Variants in NRK observed in about 807,000 individuals in gnomAD.
NRK encodes nik-related protein kinase.
NRK carries 67 observed loss-of-function variants against 125.2 expected under a neutral mutation model. The observed-to-expected ratio is 0.54, with a 90% CI of 0.44 to 0.66. The LOEUF (loss-of-function observed/expected upper bound fraction) is 0.66. Ranked by LOEUF, NRK falls within the 30% of genes least tolerant of loss-of-function variation. The probability of loss-of-function intolerance (pLI) is 0.00; values close to 1 mark genes in which losing one functional copy is unlikely to be tolerated. For missense variants in NRK, 1,224 were observed against 1,192.9 expected (o/e 1.03, Z -0.38); for synonymous variants, 458 against 429.0 (o/e 1.07, Z -0.84).
intron 2 of NRK, among the ~76,000 whole-genome samples, chrX:105,837,017 C>A (rs377284512): frequency 9.0e-6 from 1 of 111,625 alleles, no homozygotes; most frequent in African/African-American, 3.2e-5. Flanking sequence ...TACTTTTTAA[C>A]CAGCTAATAT....
chrX:105,875,408 A>G (rs1158882318), intron 2 of NRK, among the ~76,000 whole-genome samples: 1 of 111,074 alleles, frequency 9.0e-6, no homozygotes, highest in East Asian at 2.9e-4. Flanking sequence ...TCATTCCATC[A>G]GTACTTAACT....
intron 19 of NRK, among the ~76,000 whole-genome samples, chrX:105,925,755 A>G (rs2040516032): frequency 9.0e-6 from 1 of 111,559 alleles, no homozygotes; most frequent in South Asian, 3.7e-4. Flanking sequence ...AGGTTCATCC[A>G]TGTTGCTGCA....
At chrX:105,846,455 C>CA (rs1281985126) in intron 2 of NRK, among the ~76,000 whole-genome samples, 1 of 111,034 alleles carries the variant, frequency 9.0e-6, no homozygotes, top group Non-Finnish European at 1.9e-5. Flanking sequence ...TAACATAGCC[C>CA]AGAGAATATA....
intron 27 of NRK, 24 bp from the exon 28 acceptor site, chrX:105,953,010 G>A: frequency 3.7e-6 from 4 of 1,086,267 alleles, no homozygotes; most frequent in Non-Finnish European, 3.6e-6. Context: ...GTGTTTTTCT[G>A]ATTTTTTTTC....
chrX:105,927,795 T>G (rs996307607), intron 19 of NRK, among the ~76,000 whole-genome samples: 9 of 111,735 alleles, frequency 8.1e-5, no homozygotes, highest in African/African-American at 2.9e-4. Flanking sequence ...GATTTGCATA[T>G]GTTGAATCTC....
At position 105,937,555 on chromosome X, in the gene NRK, C is replaced by A. The variant is rs777931840; in HGVS notation, c.3772C>A (p.Pro1258Thr). ...ATTCCGCCAGATTCAAGTCTTAGAGCCACTCAATTTGCTGATTACCATCTC... is the reference window on the plus strand; with the variant it reads ...ATTCCGCCAGATTCAAGTCTTAGAGACACTCAATTTGCTGATTACCATCTC... ...RPFRQIQVLE[P>T]LNLLITISGH... is the part of the protein sequence containing the mutation. The change falls in exon 22 of 29, where the codon CCA becomes ACA. Residue 1258 changes from proline (P) to threonine (T), a missense_variant. Pro to Thr is a conservative substitution (Grantham distance 38). Coordinates refer to ENST00000243300, the MANE Select transcript of NRK (RefSeq NM_198465.4). 7 of 1,199,434 alleles carry A rather than the reference C, an allele frequency of 5.8e-6. No individual in the cohort carries two copies. The Admixed American group carries it at 1.3e-4, about 23-fold the overall frequency.
chrX:105,915,662 C>T, intron 14 of NRK, 68 bp from the exon 15 acceptor site: 1 of 531,292 alleles, frequency 1.9e-6, no homozygotes, highest in Non-Finnish European at 3.2e-6. Flanking sequence ...GGCATTTTCC[C>T]ACAAATTAAG....
Position 105,924,970 on chromosome X carries a change from C to T in NRK, c.3251C>T (p.Ser1084Leu). The T allele has an allele frequency of 3.3e-6, 4 of 1,211,083 alleles. No homozygotes were observed. Among genetic ancestry groups the T allele is most frequent in the South Asian group, 1.8e-5 (1 of 56,970 alleles). Residue 1084 changes from serine to leucine, a missense_variant, in exon 19 of 29, where the codon TCA becomes TTA. Coordinates refer to ENST00000243300, the MANE Select transcript of NRK (RefSeq NM_198465.4). ...GGACTCAATGGAGAAGAAAATTGCT[C>T]AGAGACAGATGGTCCAGGATTGAAG... ...ALGLNGEENC[S>L]ETDGPGLKRP...
At chrX:105,899,961 C>T (rs2040135029) in intron 8 of NRK, among the ~76,000 whole-genome samples, 1 of 110,009 alleles carries the variant, frequency 9.1e-6, no homozygotes, top group South Asian at 3.9e-4. Flanking sequence ...GAGTGAGACT[C>T]TGTCTCAAGG....
intron 1 of NRK, among the ~76,000 whole-genome samples, chrX:105,824,446 GA>G (rs891281762): frequency 3.6e-5 from 4 of 110,614 alleles, no homozygotes; most frequent in African/African-American, 1.3e-4. Context: ...TGGGAAAAGA[GA>G]AAAAAAGCAA....
intron 2 of NRK, among the ~76,000 whole-genome samples, chrX:105,845,748 A>G (rs1451769010): frequency 1.8e-5 from 2 of 111,135 alleles, no homozygotes; most frequent in African/African-American, 6.6e-5. Context: ...GAAGCTGCCA[A>G]AGGGTGGGGA....
At chrX:105,821,968 G>A (rs1735624970), upstream of NRK, among the ~76,000 whole-genome samples, 1 of 112,254 alleles carries the variant, frequency 8.9e-6, no homozygotes. Context: ...TGACAGCCCC[G>A]GGGCGTACTC....
At chrX:105,842,660 C>A (rs1214592060) in intron 2 of NRK, among the ~76,000 whole-genome samples, 1 of 111,604 alleles carries the variant, frequency 9.0e-6, no homozygotes, top group Non-Finnish European at 1.9e-5. Context: ...TTGTTCCCTG[C>A]CTGAGAACAG....
At chrX:105,885,320 A>G (rs1212330786) in intron 4 of NRK, among the ~76,000 whole-genome samples, 2 of 111,890 alleles carry the variant, frequency 1.8e-5, no homozygotes, top group Non-Finnish European at 3.8e-5. Flanking sequence ...CAACTTTATT[A>G]TGTATTCAAC....
At position 105,935,813 on chromosome X, in the gene NRK, T is replaced by TTATA. The variant is rs770022568; in HGVS notation, c.3655+503_3655+506dup. On this transcript the variant is annotated intron_variant, in intron 21 of 28. Transcript: ENST00000243300. ...CTATATATATTATATTTATTATATT[T>TTATA]TATATATATATATATATACACAACT... is the stretch of plus-strand genomic sequence containing the variant. Among the ~76,000 whole-genome samples, 182 of 102,664 alleles carry TTATA rather than the reference T, an allele frequency of 1.8e-3. 1 individual carries two copies. Among genetic ancestry groups the TTATA allele is most frequent in the African/African-American group, 6.1e-3 (172 of 28,143 alleles). 89.2% of individuals were successfully genotyped at this position (102,664 alleles called of 115,157 possible).
chrX:105,845,542 G>T (rs947526294), intron 2 of NRK, among the ~76,000 whole-genome samples: 2 of 112,280 alleles, frequency 1.8e-5, no homozygotes, highest in African/African-American at 3.2e-5. Flanking sequence ...ACAGCATATA[G>T]TTATACTAAA....
intron 27 of NRK, among the ~76,000 whole-genome samples, chrX:105,950,775 C>G (rs1200745651): frequency 2.8e-5 from 3 of 108,277 alleles, no homozygotes; most frequent in Non-Finnish European, 5.7e-5. Flanking sequence ...AAAGCCTTTG[C>G]TTTAGGTTTA....
At chrX:105,900,446 C>T (rs1164747001) in intron 8 of NRK, among the ~76,000 whole-genome samples, 172 bp from the exon 9 acceptor site, 1 of 111,795 alleles carries the variant, frequency 8.9e-6, no homozygotes, top group Non-Finnish European at 1.9e-5. Flanking sequence ...TGGTCAGTAG[C>T]TCAGATTATG....
chrX:105,880,432 C>A (rs1029228878), intron 3 of NRK, among the ~76,000 whole-genome samples, 177 bp downstream of exon 3: 5 of 110,863 alleles, frequency 4.5e-5, no homozygotes, highest in African/African-American at 1.6e-4. Flanking sequence ...TGTATTATAT[C>A]TATTACTTTA....
Sources: gnomAD v4.1 joint callset for allele counts (sites outside exome capture counted in the v4.1 genomes callset) on GRCh38, gnomAD v4.1.1 for gene constraint, MANE v1.5 for transcripts, NCBI Gene and HGNC (gene_info 2026-07-23, HGNC 2026-07-21) for gene names.